The following GRM5 variants were observed in gnomAD, a reference collection of about 807,000 sequenced individuals.
GRM5 encodes the protein glutamate metabotropic receptor 5, also known as metabotropic glutamate receptor 5.
Under a neutral mutation model 83.1 loss-of-function variants are expected in GRM5, and 19 were observed. The ratio of observed to expected loss-of-function variants is 0.23; its 90% CI spans 0.16 to 0.34. GRM5 has a LOEUF of 0.34. GRM5 is among the 10% of genes least tolerant of loss of function. The probability of loss-of-function intolerance (pLI) is 1.00; values close to 1 mark genes in which losing one functional copy is unlikely to be tolerated. For synonymous variants in GRM5, 675 were observed against 633.6 expected (o/e 1.07, Z -0.98); for missense variants, 1,160 against 1,588.3 (o/e 0.73, Z 4.58).
chr11:88,933,554 G>T (rs1358394350), intron 2 of GRM5, among the ~76,000 whole-genome samples: 1 of 151,794 alleles, frequency 6.6e-6, no homozygotes, highest in Non-Finnish European at 1.5e-5. Flanking sequence ...ACTTTCAGTA[G>T]TGTTCTCAAT....
chr11:88,637,562 C>T lies in GRM5; in HGVS notation c.1147+15606G>A, dbSNP rs564577813. 5.7e-4 allele frequency among the ~76,000 whole-genome samples: 85 copies of T among 150,068 alleles called. 2 individuals are homozygous for T. In the South Asian group the frequency reaches 0.017, roughly 31 times the overall value. On this transcript the variant is annotated intron_variant, in intron 4 of 9. Transcript: ENST00000305447. ...AAAAAACACATGAAAAAATGCTCAC[C>T]ATCACTGGCCATCAGAGAAATGCAA...
chr11:88,866,642 AAG>A (rs1241340942), intron 2 of GRM5, among the ~76,000 whole-genome samples: 1 of 152,034 alleles, frequency 6.6e-6, no homozygotes, highest in Non-Finnish European at 1.5e-5. Flanking sequence ...GACAATATGC[AAG>A]GCCACTTTTT....
intron 4 of GRM5, among the ~76,000 whole-genome samples, chr11:88,623,273 T>A (rs1268656278): frequency 6.6e-6 from 1 of 151,202 alleles, no homozygotes; most frequent in African/African-American, 2.4e-5. Context: ...TTTTAGTATT[T>A]TTTTGTATTT....
intron 2 of GRM5, among the ~76,000 whole-genome samples, chr11:88,882,276 A>AAATAAATAAATAAT (rs1944969203): frequency 6.6e-6 from 1 of 150,624 alleles, no homozygotes; most frequent in African/African-American, 2.4e-5. Flanking sequence ...AAATAATAAA[A>AAATAAATAAATAAT]AGAAAAATAT....
intron 3 of GRM5, among the ~76,000 whole-genome samples, chr11:88,731,005 C>T (rs1045905021): frequency 1.3e-4 from 20 of 152,026 alleles, no homozygotes; most frequent in Non-Finnish European, 1.5e-5. Flanking sequence ...TATCCCAGAA[C>T]ATAAAGTATA....
At chr11:88,743,838 G>T (rs1367806880) in intron 3 of GRM5, among the ~76,000 whole-genome samples, 1 of 152,110 alleles carries the variant, frequency 6.6e-6, no homozygotes, top group Admixed American at 6.6e-5. Context: ...CTTCTAATTA[G>T]CTCTAGATGA....
intron 2 of GRM5, among the ~76,000 whole-genome samples, chr11:88,871,909 GA>G (rs1201762745): frequency 4.0e-5 from 6 of 148,960 alleles, no homozygotes; most frequent in South Asian, 2.1e-4. Context: ...ATAAACAGAT[GA>G]AAAAAAAAGT....
chr11:89,009,041 A>T (rs1465301875), intron 2 of GRM5: 1 of 740,230 alleles, frequency 1.4e-6, no homozygotes, highest in Non-Finnish European at 2.5e-6. Context: ...ACACCTCATA[A>T]AAGATAACAT....
At chr11:88,803,402 C>T (rs866431734) in intron 3 of GRM5, among the ~76,000 whole-genome samples, 2 of 152,116 alleles carry the variant, frequency 1.3e-5, no homozygotes, top group Admixed American at 1.3e-4. Flanking sequence ...ACTATCTGAT[C>T]TTTGACAAAC....
chr11:88,601,100 TTGA>T (rs1391885931), intron 5 of GRM5, among the ~76,000 whole-genome samples: 1 of 152,244 alleles, frequency 6.6e-6, no homozygotes, highest in African/African-American at 2.4e-5. Flanking sequence ...AAATTTTTAC[TTGA>T]TGATTGTGCC....
intron 8 of GRM5, among the ~76,000 whole-genome samples, chr11:88,529,217 C>T (rs2135114480): frequency 6.6e-6 from 1 of 151,816 alleles, no homozygotes; most frequent in East Asian, 1.9e-4. Context: ...TGATAAGGAG[C>T]ATATGGGTGA....
intron 3 of GRM5, among the ~76,000 whole-genome samples, chr11:88,693,013 G>C (rs1940816001): frequency 6.6e-6 from 1 of 152,182 alleles, no homozygotes; most frequent in Non-Finnish European, 1.5e-5. Context: ...GTCTACTGCA[G>C]AGAGGAGAAA....
rs749709672 is a variant in GRM5, at chr11:89,009,148, T to C, written c.661+38064A>G. ...AAGATGTATAAGATAAGCAAAGGTTTTATAAGTTAATTTTAAGTGTATAAA... is the reference window on the plus strand; with the variant it reads ...AAGATGTATAAGATAAGCAAAGGTTCTATAAGTTAATTTTAAGTGTATAAA... On this transcript the variant is annotated intron_variant, in intron 2 of 9. Coordinates refer to ENST00000305447, the MANE Select transcript of GRM5 (RefSeq NM_001143831.3). 1.3e-5 allele frequency: 9 copies of C among 697,198 alleles called. No individual in the cohort carries two copies. The South Asian group carries it at 1.4e-4, about 11-fold the overall frequency. 43.2% of individuals were successfully genotyped at this position (697,198 alleles called of 1,614,324 possible).
intron 8 of GRM5, among the ~76,000 whole-genome samples, chr11:88,537,207 G>C (rs1591331519): frequency 6.6e-6 from 1 of 152,138 alleles, no homozygotes. Context: ...TAGGCTTTGA[G>C]CACAATATAC....
At chr11:89,064,679 G>C (rs1942059943) in intron 1 of GRM5, among the ~76,000 whole-genome samples, 1 of 151,820 alleles carries the variant, frequency 6.6e-6, no homozygotes, top group Non-Finnish European at 1.5e-5. Flanking sequence ...TGAAGGTTAA[G>C]GGGCTTGTTC....
chr11:88,896,740 A>C (rs1434336535), intron 2 of GRM5, among the ~76,000 whole-genome samples: 1 of 151,900 alleles, frequency 6.6e-6, no homozygotes, highest in Non-Finnish European at 1.5e-5. Context: ...ATTGGACATC[A>C]TAAAAGATTA....
chr11:88,787,534 C>A (rs1943096787), intron 3 of GRM5, among the ~76,000 whole-genome samples: 1 of 151,920 alleles, frequency 6.6e-6, no homozygotes, highest in African/African-American at 2.4e-5. Context: ...TTTAAAGAGT[C>A]TTCTCTTTTA....
chr11:88,882,078 C>A (rs1433058096), intron 2 of GRM5, among the ~76,000 whole-genome samples: 1 of 151,772 alleles, frequency 6.6e-6, no homozygotes, highest in African/African-American at 2.4e-5. Context: ...CCCATCTCTA[C>A]TAAATATACA....
chr11:88,719,885 T>A (rs892797829), intron 3 of GRM5, among the ~76,000 whole-genome samples: 1 of 152,140 alleles, frequency 6.6e-6, no homozygotes, highest in African/African-American at 2.4e-5. Flanking sequence ...CCTGTTCATG[T>A]CCTTTGCCCA....
Sources: allele counts gnomAD v4.1 joint callset (sites outside exome capture counted in the v4.1 genomes callset), GRCh38; gene constraint gnomAD v4.1.1; transcripts MANE v1.5; gene names NCBI Gene and HGNC (gene_info 2026-07-23, HGNC 2026-07-21).